The following NFIA variants were observed in gnomAD, a reference collection of about 807,000 sequenced individuals.
NFIA encodes nuclear factor I A.
In NFIA, 8 loss-of-function variants were observed where a neutral mutation model predicts 62.8. That is an observed-to-expected ratio of 0.13 (90% CI 0.07 to 0.23). NFIA has a LOEUF of 0.23. NFIA is among the 10% of genes least tolerant of loss of function. NFIA has a pLI of 1.00. For synonymous variants in NFIA, 235 were observed against 238.1 expected (o/e 0.99, Z 0.12); for missense variants, 410 against 642.1 (o/e 0.64, Z 3.91).
intron 2 of NFIA, among the ~76,000 whole-genome samples, chr1:61,152,101 A>G (rs537917259): frequency 6.6e-6 from 1 of 152,312 alleles, no homozygotes; most frequent in African/African-American, 2.4e-5. Context: ...GGGCCATTAA[A>G]TGACCCTGCC....
intron 7 of NFIA, among the ~76,000 whole-genome samples, chr1:61,401,888 A>T (rs553844947): frequency 6.6e-6 from 1 of 152,258 alleles, no homozygotes; most frequent in African/African-American, 2.4e-5. Flanking sequence ...AATTCCTTTG[A>T]TTCTTGAAAG....
chr1:61,250,414 G>A (rs932487178), intron 2 of NFIA, among the ~76,000 whole-genome samples: 1 of 152,118 alleles, frequency 6.6e-6, no homozygotes, highest in Non-Finnish European at 1.5e-5. Flanking sequence ...CTCCCCAAGA[G>A]CAATGTAAAT....
chr1:61,083,604 C>A (rs895139090), intron 1 of NFIA, among the ~76,000 whole-genome samples: 1 of 151,702 alleles, frequency 6.6e-6, no homozygotes. Flanking sequence ...GGCCCGTTGG[C>A]TCTCCCGGAG....
upstream of NFIA, chr1:61,077,481 C>T: frequency 1.4e-6 from 1 of 709,242 alleles, no homozygotes; most frequent in South Asian, 5.8e-5. Flanking sequence ...TGCAATTGGC[C>T]AACAGCTTTT....
chr1:61,418,814 GCACT>G (rs2100543984), intron 9 of NFIA, among the ~76,000 whole-genome samples: 1 of 152,286 alleles, frequency 6.6e-6, no homozygotes, highest in East Asian at 1.9e-4. Flanking sequence ...TTCCAGAGTT[GCACT>G]GCCTTTTGAG....
intron 3 of NFIA, among the ~76,000 whole-genome samples, chr1:61,321,423 GAGGAAGGAAGGAAAGGAAGGGA>G (rs1660674059): frequency 6.6e-6 from 1 of 151,742 alleles, no homozygotes; most frequent in Admixed American, 6.6e-5. Flanking sequence ...GAAAGGGAGG[GAGGAAGGAAGGAAAGGAAGGGA>G]AGGAAGGAAG....
At chr1:61,340,787 A>G (rs1661857091) in intron 4 of NFIA, among the ~76,000 whole-genome samples, 1 of 152,182 alleles carries the variant, frequency 6.6e-6, no homozygotes, top group Non-Finnish European at 1.5e-5. Flanking sequence ...GAGCCACTCT[A>G]GTGACCCTTA....
At chr1:61,341,478 G>A (rs1265275566) in intron 4 of NFIA, among the ~76,000 whole-genome samples, 2 of 151,848 alleles carry the variant, frequency 1.3e-5, no homozygotes, top group Non-Finnish European at 2.9e-5. Flanking sequence ...CTGACAATGT[G>A]GTTTGTTTGG....
rs1274513676 is a variant in NFIA at position 61,352,536 on chromosome 1, A to C, written c.787A>C (p.Arg263=). Residue 263 remains arginine, a synonymous_variant, in exon 5 of 11, where the codon AGG becomes CGG. Transcript: ENST00000403491. ...CTACAGCATGAGTCCAGGAGCAATG[A>C]GGAGGTCTTTACCCAGCACATCCTC... The part of the protein sequence containing the change: ...SYYSMSPGAM[R]RSLPSTSSTS... 11 of 1,613,912 alleles carry C rather than the reference A, an allele frequency of 6.8e-6. No individual in the cohort carries two copies. The highest frequency in any genetic ancestry group is 9.3e-6 in the Non-Finnish European group (11 of 1,179,858).
At chr1:61,244,246 G>A (rs190729324) in intron 2 of NFIA, among the ~76,000 whole-genome samples, 1 of 152,308 alleles carries the variant, frequency 6.6e-6, no homozygotes, top group African/African-American at 2.4e-5. Flanking sequence ...TAATTGTGGT[G>A]TTTTGTGGCT....
chr1:61,402,041 T>C (rs921831869), intron 7 of NFIA, among the ~76,000 whole-genome samples: 22 of 136,616 alleles, frequency 1.6e-4, no homozygotes, highest in Non-Finnish European at 3.2e-4. Flanking sequence ...TTCTTTTTTT[T>C]TTTTTTTTTT....
At chr1:61,366,666 T>C (rs1406397784) in intron 6 of NFIA, among the ~76,000 whole-genome samples, 3 of 152,200 alleles carry the variant, frequency 2.0e-5, no homozygotes, top group Non-Finnish European at 4.4e-5. Flanking sequence ...CTCACACCTG[T>C]AATCCCAGCA....
chr1:61,125,380 T>G (rs1646950792), intron 2 of NFIA, among the ~76,000 whole-genome samples: 1 of 152,208 alleles, frequency 6.6e-6, no homozygotes, highest in South Asian at 2.1e-4. Flanking sequence ...CCTTTTCCAT[T>G]TAGACCTTAT....
intron 3 of NFIA, among the ~76,000 whole-genome samples, chr1:61,294,782 GGTGCAGTGT>G (rs1296876231): frequency 2.0e-5 from 3 of 152,156 alleles, no homozygotes; most frequent in Non-Finnish European, 4.4e-5. Flanking sequence ...CCTGTTGTCT[GGTGCAGTGT>G]GTGCAGTGTG....
Position 61,319,703 on chromosome 1 carries a change from A to G in NFIA, c.626-12809A>G, listed in dbSNP as rs559271228. Among the ~76,000 whole-genome samples the G allele has an allele frequency of 4.6e-5, 7 of 152,100 alleles. No homozygotes were observed. In the South Asian group the frequency reaches 1.0e-3, roughly 23 times the overall value. ...ATTCGAAGAAAGAGGAGCCTGTTTT[A>G]TATGAAAATCCTGAAGATTTGAAGG... On this transcript the variant is annotated intron_variant, in intron 3 of 10. Coordinates refer to ENST00000403491, the MANE Select transcript of NFIA (RefSeq NM_001134673.4).
At chr1:61,435,404 C>T (rs1399852541) in intron 10 of NFIA, among the ~76,000 whole-genome samples, 1 of 152,168 alleles carries the variant, frequency 6.6e-6, no homozygotes, top group Non-Finnish European at 1.5e-5. Context: ...TGGTTGTTGG[C>T]ATTGTTTCAG....
At chr1:61,196,940 T>TGTGTGTGC (rs1491445557) in intron 2 of NFIA, among the ~76,000 whole-genome samples, 1 of 112,204 alleles carries the variant, frequency 8.9e-6, no homozygotes, top group Non-Finnish European at 1.9e-5. Flanking sequence ...TGTGTGTGTG[T>TGTGTGTGC]GCGCGCGCGC....
intron 2 of NFIA, among the ~76,000 whole-genome samples, chr1:61,105,426 G>T (rs1646579738): frequency 6.6e-6 from 1 of 151,914 alleles, no homozygotes. Flanking sequence ...CTCTAAACAA[G>T]ATGTTTAATT....
chr1:61,381,743 C>A (rs1664426101), intron 6 of NFIA, among the ~76,000 whole-genome samples: 1 of 151,938 alleles, frequency 6.6e-6, no homozygotes, highest in Non-Finnish European at 1.5e-5. Context: ...TGTTTCAGAC[C>A]CTTGGAGGTC....
Sources: allele counts gnomAD v4.1 joint callset (sites outside exome capture counted in the v4.1 genomes callset), GRCh38; gene constraint gnomAD v4.1.1; transcripts MANE v1.5; gene names NCBI Gene and HGNC (gene_info 2026-07-23, HGNC 2026-07-21).